Variants in LRRC4C observed in about 807,000 individuals in gnomAD.
LRRC4C encodes the protein leucine rich repeat containing 4C, also known as leucine-rich repeat-containing protein 4C.
LRRC4C carries 5 observed loss-of-function variants against 33.6 expected under a neutral mutation model. The observed-to-expected ratio is 0.15, with a 90% CI of 0.08 to 0.31. The LOEUF (loss-of-function observed/expected upper bound fraction) is 0.31. Among genes scored for constraint, LRRC4C ranks in the 10% least tolerant of loss-of-function variants. The pLI is 1.00. For missense variants in LRRC4C, 560 were observed against 796.7 expected (o/e 0.70, Z 3.58); for synonymous variants, 329 against 302.0 (o/e 1.09, Z -0.93).
chr11:40,996,072 CTT>C (rs1853949769), intron 1 of LRRC4C, among the ~76,000 whole-genome samples: 1 of 152,080 alleles, frequency 6.6e-6, no homozygotes, highest in Non-Finnish European at 1.5e-5. Flanking sequence ...GAATAATATT[CTT>C]TGTGTTCATG....
At position 40,619,657 on chromosome 11, in the gene LRRC4C, C is replaced by T. The variant is rs897309739; in HGVS notation, c.-270+28485G>A. On this transcript the variant is annotated intron_variant, in intron 3 of 6. Coordinates refer to ENST00000528697, the MANE Select transcript of LRRC4C (RefSeq NM_001258419.2). The stretch of plus-strand genomic sequence containing the variant: ...GTAGATCAATTTTTGCCTTCCCCTA[C>T]TGCAGCCTCCTTAGTGTTTACGACC... Among the ~76,000 whole-genome samples the T allele has an allele frequency of 4.0e-5, 6 of 151,796 alleles. No homozygotes were observed. The East Asian group carries it at 7.7e-4, about 20-fold the overall frequency.
intron 3 of LRRC4C, among the ~76,000 whole-genome samples, chr11:40,510,601 C>G (rs991490074): frequency 1.3e-5 from 2 of 152,130 alleles, no homozygotes; most frequent in African/African-American, 4.8e-5. Context: ...ACAGGTTCCT[C>G]TTTGTTGACA....
Position 41,140,944 on chromosome 11 carries a change from G to A in LRRC4C, c.-495-207221C>T, listed in dbSNP as rs551769775. 3.9e-5 allele frequency among the ~76,000 whole-genome samples: 6 copies of A among 152,230 alleles called. 1 individual carries two copies. In the South Asian group the frequency reaches 1.2e-3, roughly 32 times the overall value. ...GTTTTTCATTTGCTGTCTTCTGGGG[G>A]ATAGAAAAATCCTGGAAATAATACA... On this transcript the variant is annotated intron_variant, in intron 1 of 6. Coordinates refer to ENST00000528697, the MANE Select transcript of LRRC4C (RefSeq NM_001258419.2).
At chr11:40,259,728 G>T (rs919245086) in intron 4 of LRRC4C, among the ~76,000 whole-genome samples, 1 of 151,998 alleles carries the variant, frequency 6.6e-6, no homozygotes, top group South Asian at 2.1e-4. Context: ...TTGTAGATAT[G>T]CGGCGTTATT....
intron 1 of LRRC4C, among the ~76,000 whole-genome samples, chr11:41,188,901 G>GCCC (rs531976924): frequency 8.7e-4 from 108 of 124,328 alleles, no homozygotes; most frequent in African/African-American, 3.0e-3. Flanking sequence ...AACAGGACCT[G>GCCC]CCCCCCCCCC....
chr11:40,332,174 TCTCTTACACTTCC>T (rs1565281879), intron 3 of LRRC4C, among the ~76,000 whole-genome samples: 1 of 152,188 alleles, frequency 6.6e-6, no homozygotes, highest in Non-Finnish European at 1.5e-5. Flanking sequence ...AGCAATTTAT[TCTCTTACACTTCC>T]TGGAAGTCAG....
At chr11:40,398,778 C>A (rs1238403735) in intron 3 of LRRC4C, among the ~76,000 whole-genome samples, 1 of 151,976 alleles carries the variant, frequency 6.6e-6, no homozygotes, top group African/African-American at 2.4e-5. Context: ...TTAATGAATG[C>A]ACAGACAGCA....
At chr11:41,143,149 T>C (rs1943583344) in intron 1 of LRRC4C, among the ~76,000 whole-genome samples, 1 of 151,750 alleles carries the variant, frequency 6.6e-6, no homozygotes, top group Non-Finnish European at 1.5e-5. Flanking sequence ...ATAATCTCTC[T>C]GAAGCAATGC....
At chr11:40,137,848 A>T (rs1004467476) in intron 6 of LRRC4C, among the ~76,000 whole-genome samples, 4 of 152,206 alleles carry the variant, frequency 2.6e-5, no homozygotes, top group Non-Finnish European at 5.9e-5. Flanking sequence ...AACTATAAGT[A>T]TTAGATAGAC....
At chr11:41,321,372 G>A (rs527244496) in intron 1 of LRRC4C, among the ~76,000 whole-genome samples, 1 of 152,078 alleles carries the variant, frequency 6.6e-6, no homozygotes, top group African/African-American at 2.4e-5. Flanking sequence ...ACAATTCTAA[G>A]ACAAATTTTT....
intron 1 of LRRC4C, among the ~76,000 whole-genome samples, chr11:41,334,093 G>A (rs558763413): frequency 1.3e-5 from 2 of 152,292 alleles, no homozygotes; most frequent in South Asian, 4.1e-4. Context: ...GCAGCTAGAA[G>A]GTTATCGTAA....
intron 3 of LRRC4C, among the ~76,000 whole-genome samples, chr11:40,424,381 C>T (rs1950636202): frequency 1.3e-5 from 2 of 152,136 alleles, no homozygotes; most frequent in South Asian, 4.1e-4. Flanking sequence ...CAATTTTCCT[C>T]TTCTCTAAAA....
intron 3 of LRRC4C, among the ~76,000 whole-genome samples, chr11:40,532,482 A>C (rs1470724561): frequency 6.6e-6 from 1 of 151,990 alleles, no homozygotes; most frequent in African/African-American, 2.4e-5. Context: ...AGGAAGATCA[A>C]TCATATGATA....
intron 1 of LRRC4C, among the ~76,000 whole-genome samples, chr11:41,123,337 A>T (rs1418397569): frequency 8.3e-6 from 1 of 120,386 alleles, no homozygotes; most frequent in East Asian, 2.4e-4. Flanking sequence ...CAGTGGCGGG[A>T]TCTCGGCTCA....
intron 1 of LRRC4C, among the ~76,000 whole-genome samples, chr11:41,136,353 A>G (rs1352890514): frequency 6.6e-6 from 1 of 152,156 alleles, no homozygotes; most frequent in Non-Finnish European, 1.5e-5. Context: ...GGTAAAACTC[A>G]TGGTGCATTT....
At position 40,617,677 on chromosome 11, in the gene LRRC4C, C is replaced by T. The variant is rs535981707; in HGVS notation, c.-270+30465G>A. On this transcript the variant is annotated intron_variant, in intron 3 of 6. Transcript: ENST00000528697. ...CCTTAAATTATGTAATCTATTTTTC[C>T]GAAAATATTTTGATATTTCTGAATT... is the stretch of plus-strand genomic sequence containing the variant. 4.0e-4 allele frequency among the ~76,000 whole-genome samples: 61 copies of T among 151,610 alleles called. No homozygotes were observed. In the South Asian group the frequency reaches 1.0e-2, roughly 25 times the overall value.
At chr11:40,993,245 A>G (rs955194662) in intron 1 of LRRC4C, among the ~76,000 whole-genome samples, 1 of 152,242 alleles carries the variant, frequency 6.6e-6, no homozygotes, top group Admixed American at 6.5e-5. Context: ...TTCTACTTTC[A>G]TTGAACTGTG....
At chr11:40,973,322 C>G (rs1362479829) in intron 1 of LRRC4C, among the ~76,000 whole-genome samples, 1 of 151,352 alleles carries the variant, frequency 6.6e-6, no homozygotes, top group Admixed American at 6.6e-5. Flanking sequence ...GATAAGAAGA[C>G]AGATCACTAC....
chr11:40,639,873 A>T (rs1552954), intron 3 of LRRC4C, among the ~76,000 whole-genome samples: 114,730 of 152,162 alleles, frequency 0.75, 43,966 homozygotes, highest in East Asian at 0.9. Context: ...TGCACGGCCA[A>T]TGTTATGATT....
Sources: gnomAD v4.1 joint callset for allele counts (sites outside exome capture counted in the v4.1 genomes callset) on GRCh38, gnomAD v4.1.1 for gene constraint, MANE v1.5 for transcripts, NCBI Gene and HGNC (gene_info 2026-07-23, HGNC 2026-07-21) for gene names.